The following CHGB variants were observed in gnomAD, a reference collection of about 807,000 sequenced individuals.
The protein encoded by CHGB is chromogranin B.
CHGB carries 46 observed loss-of-function variants against 69.9 expected under a neutral mutation model. The observed-to-expected ratio is 0.66, with a 90% confidence interval of 0.52 to 0.84. CHGB has a LOEUF of 0.84. Ranked by LOEUF, CHGB falls within the 40% of genes least tolerant of loss-of-function variation. The pLI, the probability that CHGB is intolerant of heterozygous loss-of-function variation, is 0.00. For synonymous variants in CHGB, 312 were observed against 298.2 expected, an observed-to-expected ratio of 1.05 and a Z score of -0.48; for missense variants, 796 against 822.2, an observed-to-expected ratio of 0.97 and a Z score of 0.39.
Position 5,916,852 on chromosome 20 carries a change from C to T in CHGB, c.123C>T (p.Leu41=), listed in dbSNP as rs1462094860. The T allele has an allele frequency of 3.7e-6, 6 of 1,614,212 alleles. No individual in the cohort carries two copies. The highest frequency in any genetic ancestry group is 1.7e-5 in the Admixed American group (1 of 60,026). The change falls in exon 3 of 5, where the codon CTC becomes CTT. Residue 41 remains leucine, a synonymous_variant. Coordinates refer to ENST00000378961, the MANE Select transcript of CHGB (RefSeq NM_001819.3). ...TGACTCGCTGCATCATTGAGGTCCT[C>T]TCAAATGCCTTGTCGAAGTCCAGCG... The part of the protein sequence containing the change: ...GMVTRCIIEV[L]SNALSKSSAP...
Position 5,916,380 on chromosome 20 carries a change from G to T in CHGB, c.96+8G>T, listed in dbSNP as rs1235337051. On this transcript the variant is annotated splice_region_variant and intron_variant, in intron 2 of 4. Coordinates refer to ENST00000378961, the MANE Select transcript of CHGB (RefSeq NM_001819.3). ...AACCACAATGAAGGAATGGTAAGTT[G>T]CAATGTCAATCTTAGAATCTAGACT... 2 of 1,610,240 alleles carry T rather than the reference G, an allele frequency of 1.2e-6. No homozygotes were observed. The highest frequency in any genetic ancestry group is 1.7e-6 in the Non-Finnish European group (2 of 1,176,758).
chr20:5,922,183 T>C, intron 3 of CHGB, 152 bp from the exon 4 acceptor site: 2 of 1,111,728 alleles, frequency 1.8e-6, no homozygotes, highest in East Asian at 2.7e-5. Context: ...TAGCATTTAC[T>C]TTCAAAAGGA....
chr20:5,917,038 G>A lies in CHGB; in HGVS notation c.190+119G>A, dbSNP rs2088479882. On this transcript the variant is annotated intron_variant, in intron 3 of 4. Transcript: ENST00000378961. ...CTGGGGGCATAATGCACTAGGAAGAGTATTGATTGACTAGGCCAGTATCTG... is the reference window on the plus strand; with the variant it reads ...CTGGGGGCATAATGCACTAGGAAGAATATTGATTGACTAGGCCAGTATCTG... The A allele has an allele frequency of 2.2e-5, 20 of 900,866 alleles. 1 individual carries two copies. Among genetic ancestry groups the A allele is most frequent in the Middle Eastern group, 4.3e-4 (2 of 4,696 alleles). The allele number at this position is 900,866 out of a possible 1,614,324, so 55.8% of individuals were successfully genotyped here.
chr20:5,920,703 G>A (rs1343704227), intron 3 of CHGB, among the ~76,000 whole-genome samples: 1 of 152,204 alleles, frequency 6.6e-6, no homozygotes, highest in Non-Finnish European at 1.5e-5. Context: ...CAATAGCACT[G>A]CCCAGAGCCA....
At chr20:5,915,728 C>CT (rs35931464) in intron 1 of CHGB, 65 of 147,990 alleles carry the variant, frequency 4.4e-4, no homozygotes, top group South Asian at 8.6e-4. Context: ...TTGGTTTAAA[C>CT]TTTTTTTTTT....
intron 3 of CHGB, 79 bp from the exon 4 acceptor site, chr20:5,922,256 T>G: frequency 6.8e-7 from 1 of 1,466,662 alleles, no homozygotes; most frequent in Non-Finnish European, 9.1e-7. Context: ...TCATCAGGAT[T>G]TGTAGTGATT....
intron 3 of CHGB, 77 bp downstream of exon 3, chr20:5,916,996 C>G: frequency 7.6e-7 from 1 of 1,313,210 alleles, no homozygotes; most frequent in South Asian, 1.2e-5. Context: ...TCACCTTCTA[C>G]TTTATCTACA....
In CHGB at chr20:5,918,621, T is replaced by G. The variant is rs1428292903; in HGVS notation, c.190+1702T>G. Among the ~76,000 whole-genome samples, 54 of 150,582 alleles carry G rather than the reference T, an allele frequency of 3.6e-4. No homozygotes were observed. The South Asian group carries it at 3.8e-3, about 11-fold the overall frequency. ...AGGTCAGGAGATCAAGACCATCCTG[T>G]CTAACACAGTGAAACCCCATCTCTA... On this transcript the variant is annotated intron_variant, in intron 3 of 4. Coordinates refer to ENST00000378961, the MANE Select transcript of CHGB (RefSeq NM_001819.3).
In CHGB at chr20:5,911,559, C is replaced by T; in HGVS notation, c.-75C>T. ...CTGGTTTTCCGGGGCCGCTCCATCG[C>T]GCCTTCCTCCTGCGCCTCGCTTCTC... On this transcript the variant is annotated 5_prime_UTR_variant, in exon 1 of 5. Transcript: ENST00000378961. 4.1e-6 allele frequency: 6 copies of T among 1,455,132 alleles called. No individual in the cohort carries two copies. The highest frequency in any genetic ancestry group is 5.5e-6 in the Non-Finnish European group (6 of 1,086,244). 90.1% of individuals were successfully genotyped at this position (1,455,132 alleles called of 1,614,324 possible).
At position 5,916,935 on chromosome 20, in the gene CHGB, G is replaced by A. The variant is rs773013748; in HGVS notation, c.190+16G>A. 2.5e-5 allele frequency: 40 copies of A among 1,611,906 alleles called. No individual in the cohort carries two copies. The highest frequency in any genetic ancestry group is 1.7e-4 in the African/African-American group (13 of 74,860). Reference sequence around the variant, plus strand: ...CTGAAGACGAGTAAGTGTCCCACACGGCAGGCAGATCTTGGTCACTGCAGT... The same window carrying A: ...CTGAAGACGAGTAAGTGTCCCACACAGCAGGCAGATCTTGGTCACTGCAGT... On this transcript the variant is annotated intron_variant, in intron 3 of 4. Transcript: ENST00000378961.
chr20:5,923,876 G>A lies in CHGB; in HGVS notation c.1732G>A (p.Glu578Lys). Residue 578 changes from glutamate (E) to lysine (K), a missense_variant, in exon 4 of 5, where the codon GAG becomes AAG. Transcript: ENST00000378961. ...CTGGTGGGAGAAAAAGCCCTTCTCTGAGGATGTGAACTGGGGGTATGAGAA... is the reference window on the plus strand; with the variant it reads ...CTGGTGGGAGAAAAAGCCCTTCTCTAAGGATGTGAACTGGGGGTATGAGAA... ...YDWWEKKPFS[E>K]DVNWGYEKRN... 6.2e-7 allele frequency: 1 copy of A among 1,614,222 alleles called. No homozygotes were observed. The highest frequency in any genetic ancestry group is 8.5e-7 in the Non-Finnish European group (1 of 1,180,040).
chr20:5,918,336 C>T (rs1404229133), intron 3 of CHGB, among the ~76,000 whole-genome samples: 1 of 150,916 alleles, frequency 6.6e-6, no homozygotes, highest in Non-Finnish European at 1.5e-5. Flanking sequence ...GAACTGAGAT[C>T]GTGGCATTCC....
Position 5,923,368 on chromosome 20 carries a change from G to C in CHGB, c.1224G>C (p.Glu408Asp). 2 of 1,613,920 alleles carry C rather than the reference G, an allele frequency of 1.2e-6. No individual in the cohort carries two copies. Among genetic ancestry groups the C allele is most frequent in the Middle Eastern group, 1.7e-4 (1 of 6,060 alleles). ...GATATGGTGAAGAAAGTGAGGAAGA[G>C]AGGGGCCTTGAGCCGGGAAAGGGAC... Reference protein sequence around the residue: ...AHGYGEESEEERGLEPGKGRH... With the variant: ...AHGYGEESEEDRGLEPGKGRH... The change falls in exon 4 of 5, where the codon GAG becomes GAC. Residue 408 changes from glutamate (E) to aspartate (D), a missense_variant. Glu to Asp is a conservative substitution (Grantham distance 45). Transcript: ENST00000378961.
In CHGB at chr20:5,922,418, G is replaced by A. The variant is rs951929950; in HGVS notation, c.274G>A (p.Ala92Thr). 1.2e-6 allele frequency: 2 copies of A among 1,608,690 alleles called. No homozygotes were observed. Among genetic ancestry groups the A allele is most frequent in the African/African-American group, 2.7e-5 (2 of 74,816 alleles). Residue 92 changes from alanine (A) to threonine (T), a missense_variant, in exon 4 of 5, where the codon GCC becomes ACC. Ala to Thr is a moderately conservative substitution (Grantham distance 58). Transcript: ENST00000378961. ...AAGATTGTTAAGAGACCCAGCTGAT[G>A]CCTCGGAAGCCCACGAGTCCTCCAG... ...EVRLLRDPADASEAHESSSRG... is the reference protein window; with the variant it reads ...EVRLLRDPADTSEAHESSSRG...
intron 3 of CHGB, 148 bp from the exon 4 acceptor site, chr20:5,922,187 A>C: frequency 8.8e-7 from 1 of 1,131,036 alleles, no homozygotes; most frequent in Non-Finnish European, 1.2e-6. Context: ...ATTTACTTTC[A>C]AAAGGAATCT....
Position 5,923,931 on chromosome 20 carries a change from A to C in CHGB, c.1787A>C (p.Asp596Ala). The C allele has an allele frequency of 6.2e-7, 1 of 1,614,166 alleles. No individual in the cohort carries two copies. The highest frequency in any genetic ancestry group is 8.5e-7 in the Non-Finnish European group (1 of 1,180,022). Residue 596 changes from aspartate to alanine, a missense_variant, in exon 4 of 5, where the codon GAC (aspartate) becomes GCC (alanine). Physicochemically the swap from Asp to Ala is moderately radical, Grantham distance 126 (BLOSUM62 -2). Around this residue, in one of 3 missense-constraint regions of CHGB, gnomAD observed 274 missense variants for 298.9 expected, o/e 0.92. Coordinates refer to ENST00000378961, the MANE Select transcript of CHGB (RefSeq NM_001819.3). ...KRNLARVPKL[D>A]LKRQYDRVAQ... Reference sequence around the variant, plus strand: ...AACCTCGCCAGGGTCCCCAAGCTGGACCTGAAAAGGCAATATGACAGGGTG... The same window carrying C: ...AACCTCGCCAGGGTCCCCAAGCTGGCCCTGAAAAGGCAATATGACAGGGTG...
At chr20:5,919,630 G>A (rs750910783) in intron 3 of CHGB, among the ~76,000 whole-genome samples, 16 of 152,104 alleles carry the variant, frequency 1.1e-4, no homozygotes, top group Non-Finnish European at 1.9e-4. Flanking sequence ...TTTTCATATC[G>A]CCTCTGAATT....
intron 1 of CHGB, among the ~76,000 whole-genome samples, chr20:5,913,773 G>C (rs768496840): frequency 1.3e-5 from 2 of 151,528 alleles, no homozygotes; most frequent in Non-Finnish European, 2.9e-5. Context: ...GGGATTACAG[G>C]TGTGTGTCAC....
rs1225478934 is a variant in CHGB at position 5,923,734 on chromosome 20, G to A, written c.1590G>A (p.Gln530=). The A allele has an allele frequency of 1.2e-6, 2 of 1,614,234 alleles. No individual in the cohort carries two copies. ...ELFNPYYDPL[Q]WKSSHFERRD... ...TCAACCCATACTACGACCCTCTCCA[G>A]TGGAAGAGCAGCCATTTTGAAAGAA... is the stretch of plus-strand genomic sequence containing the variant. The change falls in exon 4 of 5, where the codon CAG becomes CAA. Residue 530 remains glutamine (Q), a synonymous_variant. Transcript: ENST00000378961.
Sources: allele counts gnomAD v4.1 joint callset (sites outside exome capture counted in the v4.1 genomes callset), GRCh38; gene constraint gnomAD v4.1.1; regional missense constraint gnomAD v4.1.1; transcripts MANE v1.5; gene names NCBI Gene and HGNC (gene_info 2026-07-23, HGNC 2026-07-21).